The following PLB1 variants were observed in gnomAD, a reference collection of about 807,000 sequenced individuals.
PLB1 encodes phospholipase B1, membrane-associated.
In PLB1, 242 loss-of-function variants were observed where a neutral mutation model predicts 227.4. That is an observed-to-expected ratio of 1.06 (90% CI 0.96 to 1.18). The LOEUF (loss-of-function observed/expected upper bound fraction) is 1.18, where lower values mean the gene tolerates loss of function less well. Among genes scored for constraint, PLB1 ranks in the 50% most tolerant of loss-of-function variants. The pLI is 0.00. For synonymous variants in PLB1, 757 were observed against 682.2 expected, an observed-to-expected ratio of 1.11 and a Z score of -1.71; for missense variants, 1,858 against 1,816.3, an observed-to-expected ratio of 1.02 and a Z score of -0.42.
chr2:28,604,227 G>T (rs1302067798), intron 40 of PLB1, among the ~76,000 whole-genome samples, 180 bp downstream of exon 40: 4 of 152,178 alleles, frequency 2.6e-5, no homozygotes. Flanking sequence ...AGGTGCCCTG[G>T]TTGGAATCAT....
At chr2:28,642,777 A>C in intron 57 of PLB1, 81 bp from the exon 58 acceptor site, 1 of 1,229,892 alleles carries the variant, frequency 8.1e-7, no homozygotes, top group South Asian at 1.4e-5. Flanking sequence ...GCATCTCAGG[A>C]ATGGGGACTA....
chr2:28,541,749 C>T lies in PLB1; in HGVS notation c.817C>T (p.Gln273Ter), dbSNP rs373798598. Residue 273 changes from glutamine (Q) to a stop codon, truncating the protein, a stop_gained, in exon 13 of 58, where the codon CAG becomes TAG. Transcript: ENST00000327757. LOFTEE classifies it high-confidence loss of function. ...SLLASSRYSE[Q>*]ESFTVVFQPF... Reference sequence around the variant, plus strand: ...CCTGGCCTCCAGCAGGTACAGTGAGCAGGAGTCCTTCACCGTGGTTTTCCA... The same window carrying T: ...CCTGGCCTCCAGCAGGTACAGTGAGTAGGAGTCCTTCACCGTGGTTTTCCA... 4 of 1,613,950 alleles carry T rather than the reference C, an allele frequency of 2.5e-6. No individual in the cohort carries two copies. Among genetic ancestry groups the T allele is most frequent in the Non-Finnish European group, 3.4e-6 (4 of 1,180,032 alleles).
chr2:28,608,830 C>T (rs1396448635), intron 43 of PLB1, among the ~76,000 whole-genome samples: 5 of 152,086 alleles, frequency 3.3e-5, no homozygotes, highest in Admixed American at 6.6e-5. Flanking sequence ...TGTTTGCTTG[C>T]CTTTAATGAC....
At chr2:28,507,933 T>G (rs1450012210) in intron 1 of PLB1, among the ~76,000 whole-genome samples, 1 of 152,196 alleles carries the variant, frequency 6.6e-6, no homozygotes. Context: ...GACTAGAGGT[T>G]GTGTCTACCC....
intron 43 of PLB1, among the ~76,000 whole-genome samples, chr2:28,610,974 G>T (rs1685368378): frequency 6.6e-6 from 1 of 152,080 alleles, no homozygotes; most frequent in Admixed American, 6.6e-5. Flanking sequence ...ATCTGCTTTG[G>T]CTCCAGGCCT....
At chr2:28,594,080 A>G in intron 33 of PLB1, 2 of 649,498 alleles carry the variant, frequency 3.1e-6, no homozygotes, top group Middle Eastern at 2.6e-4. Context: ...TTGCATGTAT[A>G]CGTGTACACG....
intron 33 of PLB1, 32 bp downstream of exon 33, chr2:28,593,786 C>T: frequency 3.2e-6 from 5 of 1,569,886 alleles, no homozygotes; most frequent in Non-Finnish European, 4.4e-6. Context: ...TCCCAGCGTT[C>T]CCCCCACAAC....
chr2:28,632,240 T>C (rs1342823417), intron 55 of PLB1, 100 bp downstream of exon 55: 2 of 931,986 alleles, frequency 2.1e-6, no homozygotes, highest in East Asian at 2.6e-5. Context: ...TTTTTAACCA[T>C]CTCTCTCCAA....
At chr2:28,587,234 C>T (rs1681052876) in intron 26 of PLB1, among the ~76,000 whole-genome samples, 1 of 152,212 alleles carries the variant, frequency 6.6e-6, no homozygotes, top group South Asian at 2.1e-4. Flanking sequence ...AATATTTACA[C>T]AATCTCTGAC....
rs1243174884 is a variant in PLB1, at chr2:28,539,083, C to CT, written c.619-15dup. On this transcript the variant is annotated splice_polypyrimidine_tract_variant and intron_variant, in intron 10 of 57. Coordinates refer to ENST00000327757, the MANE Select transcript of PLB1 (RefSeq NM_153021.5). ...ACTTGGCAAATACTCACCTCCCTCTCTGTGTGTCCTCCTAGGTCCCCAGAG... is the reference window on the plus strand; with the variant it reads ...ACTTGGCAAATACTCACCTCCCTCTCTTGTGTGTCCTCCTAGGTCCCCAGAG... The CT allele has an allele frequency of 1.2e-6, 2 of 1,606,308 alleles. No homozygotes were observed. The highest frequency in any genetic ancestry group is 3.3e-5 in the Admixed American group (2 of 60,026).
At chr2:28,634,859 C>T (rs543707516) in intron 56 of PLB1, among the ~76,000 whole-genome samples, 4 of 151,774 alleles carry the variant, frequency 2.6e-5, no homozygotes, top group Admixed American at 6.6e-5. Flanking sequence ...TGCAATGAGC[C>T]GAGATGGCAC....
At chr2:28,534,194 TA>T (rs1671378099) in intron 9 of PLB1, among the ~76,000 whole-genome samples, 1 of 152,206 alleles carries the variant, frequency 6.6e-6, no homozygotes, top group South Asian at 2.1e-4. Context: ...TTTTGCTGTG[TA>T]AATTTACTAC....
At position 28,642,947 on chromosome 2, in the gene PLB1, A is replaced by C; in HGVS notation, c.4263A>C (p.Pro1421=). The stretch of plus-strand genomic sequence containing the variant: ...CCGAGGTGCTCTACTGGGCTGTCCC[A>C]GTGGCAGCGGGAGTCGGCCTTGTGG... ...EAPEVLYWAV[P]VAAGVGLVVG... is the part of the protein sequence containing the mutation. The change falls in exon 58 of 58, where the codon CCA becomes CCC. Residue 1421 remains proline, a synonymous_variant. Transcript: ENST00000327757. The C allele has an allele frequency of 6.2e-7, 1 of 1,609,676 alleles. No individual in the cohort carries two copies. The highest frequency in any genetic ancestry group is 2.2e-5 in the East Asian group (1 of 44,744).
In PLB1 at chr2:28,643,230, G is replaced by A; in HGVS notation, c.*169G>A. 1 of 571,270 alleles carries A rather than the reference G, an allele frequency of 1.8e-6. No homozygotes were observed. Among genetic ancestry groups the A allele is most frequent in the Non-Finnish European group, 3.1e-6 (1 of 326,872 alleles). 35.4% of individuals were successfully genotyped at this position (571,270 alleles called of 1,614,324 possible). On this transcript the variant is annotated 3_prime_UTR_variant, in exon 58 of 58. Transcript: ENST00000327757. ...GGGCTTCTTCCAGGCCTATGCTCCT[G>A]GAATGGATACATTTAAATAAAGTCC...
intron 40 of PLB1, 59 bp downstream of exon 40, chr2:28,604,106 G>A: frequency 1.3e-6 from 2 of 1,484,824 alleles, no homozygotes; most frequent in Non-Finnish European, 1.9e-6. Context: ...CTAACACACA[G>A]CCCAGAGCCC....
rs371622572 is a variant in PLB1 at position 28,592,704 on chromosome 2, G to A, written c.2232G>A (p.Leu744=). The part of the protein sequence containing the change: ...RPADIQVVAA[L]GDSLTAGNGI... ...CAGACATCCAAGTTGTGGCTGCTCT[G>A]GGGGATTCTCTGACCGTAAGGACTC... The change falls in exon 32 of 58, where the codon CTG becomes CTA. Residue 744 remains leucine (L), a synonymous_variant. Coordinates refer to ENST00000327757, the MANE Select transcript of PLB1 (RefSeq NM_153021.5). 3.0e-4 allele frequency: 490 copies of A among 1,613,964 alleles called. No homozygotes were observed. Among genetic ancestry groups the A allele is most frequent in the Non-Finnish European group, 3.7e-4 (437 of 1,180,012 alleles).
rs990188236 is a variant in PLB1, at chr2:28,602,347, G to C, written c.2673+383G>C. 1.1e-4 allele frequency among the ~76,000 whole-genome samples: 17 copies of C among 152,314 alleles called. 1 individual carries two copies. The highest frequency in any genetic ancestry group is 9.8e-4 in the Admixed American group (15 of 15,296). ...AAGCCCCTGTCTGGTCCTGCACCCA[G>C]CAGCACATTCCCCCTCCACCACCAC... is the stretch of plus-strand genomic sequence containing the variant. On this transcript the variant is annotated intron_variant, in intron 38 of 57. Coordinates refer to ENST00000327757, the MANE Select transcript of PLB1 (RefSeq NM_153021.5).
At chr2:28,602,014 T>A (rs1402848295) in intron 38 of PLB1, 50 bp downstream of exon 38, 2 of 1,416,414 alleles carry the variant, frequency 1.4e-6, no homozygotes, top group Admixed American at 1.7e-5. Flanking sequence ...ATGGTGAGGG[T>A]GAAGGTGGAT....
At chr2:28,619,870 G>C (rs1686771014) in intron 46 of PLB1, among the ~76,000 whole-genome samples, 1 of 152,178 alleles carries the variant, frequency 6.6e-6, no homozygotes, top group Non-Finnish European at 1.5e-5. Context: ...TCATTGAAGG[G>C]TCAGGGCTGG....
Sources: allele counts gnomAD v4.1 joint callset (sites outside exome capture counted in the v4.1 genomes callset), GRCh38; gene constraint gnomAD v4.1.1; transcripts MANE v1.5; gene names NCBI Gene and HGNC (gene_info 2026-07-23, HGNC 2026-07-21).